The following SPON1 variants were observed in gnomAD, a reference collection of about 807,000 sequenced individuals.
SPON1 encodes the protein spondin 1.
SPON1 carries 52 observed loss-of-function variants against 111.7 expected under a neutral mutation model. The observed-to-expected ratio is 0.47, with a 90% CI of 0.37 to 0.59. The LOEUF is 0.59. Among genes scored for constraint, SPON1 ranks in the 20% least tolerant of loss-of-function variants. The probability of loss-of-function intolerance (pLI) is 0.00; values close to 1 mark genes in which losing one functional copy is unlikely to be tolerated. For missense variants in SPON1, 957 were observed against 1,068.5 expected (o/e 0.90, Z 1.46); for synonymous variants, 410 against 395.8 (o/e 1.04, Z -0.43).
chr11:14,077,506 C>T (rs1554921619), intron 4 of SPON1, among the ~76,000 whole-genome samples: 1 of 151,776 alleles, frequency 6.6e-6, no homozygotes, highest in East Asian at 1.9e-4. Flanking sequence ...GATCTCGGCT[C>T]ACTGCAACCT....
chr11:14,156,711 A>G (rs1463606099), intron 6 of SPON1, among the ~76,000 whole-genome samples: 1 of 152,066 alleles, frequency 6.6e-6, no homozygotes, highest in Non-Finnish European at 1.5e-5. Flanking sequence ...CTTTCTACAT[A>G]TGGCTAGCCA....
rs1554917270 is a variant in SPON1 at position 14,041,544 on chromosome 11, GT to G, written c.372del (p.Phe124LeufsTer2). 1 of 1,613,952 alleles carries G rather than the reference GT, an allele frequency of 6.2e-7. No homozygotes were observed. Among genetic ancestry groups the G allele is most frequent in the Non-Finnish European group, 8.5e-7 (1 of 1,179,868 alleles). ...FQIIDEEETQ[F>X]MSNCPVAVTE... is the part of the protein sequence containing the mutation. ...AGATCATAGACGAAGAAGAAACTCA[GT>G]TTATGAGCAATTGCCCTGTTGCAGT... On this transcript the variant is annotated frameshift_variant, in exon 3 of 16. Coordinates refer to ENST00000576479, the MANE Select transcript of SPON1 (RefSeq NM_006108.4). LOFTEE classifies it high-confidence loss of function.
chr11:14,187,407 A>T (rs1848296585), intron 6 of SPON1, among the ~76,000 whole-genome samples: 1 of 152,110 alleles, frequency 6.6e-6, no homozygotes, highest in African/African-American at 2.4e-5. Context: ...GCAGATGACA[A>T]AGCCTCTTAT....
chr11:14,063,082 T>G (rs1228647771), intron 3 of SPON1, among the ~76,000 whole-genome samples: 4 of 152,166 alleles, frequency 2.6e-5, no homozygotes, highest in African/African-American at 9.7e-5. Context: ...GGACACATTC[T>G]CTGAAGTTCA....
chr11:14,103,725 G>A (rs185877666), intron 5 of SPON1, among the ~76,000 whole-genome samples: 233 of 152,324 alleles, frequency 1.5e-3, no homozygotes, highest in African/African-American at 5.2e-3. Context: ...TCAGGAAACA[G>A]CAATAACATT....
intron 15 of SPON1, among the ~76,000 whole-genome samples, chr11:14,264,035 A>T (rs74743387): frequency 1.5e-4 from 20 of 132,190 alleles, no homozygotes; most frequent in Non-Finnish European, 1.0e-4. Flanking sequence ...GTCTCAAATT[A>T]AAAAAAAAAA....
intron 2 of SPON1, among the ~76,000 whole-genome samples, chr11:14,002,672 A>C (rs565722468): frequency 7.2e-5 from 11 of 152,234 alleles, no homozygotes; most frequent in African/African-American, 2.2e-4. Context: ...ATCAACTCCC[A>C]AGAGCCTGGT....
chr11:14,120,978 T>C (rs1849300815), intron 5 of SPON1, among the ~76,000 whole-genome samples: 1 of 152,204 alleles, frequency 6.6e-6, no homozygotes, highest in African/African-American at 2.4e-5. Flanking sequence ...AGGAGGTCCT[T>C]TTCTTCTTTC....
intron 6 of SPON1, among the ~76,000 whole-genome samples, chr11:14,172,875 T>C (rs1386214584): frequency 6.6e-6 from 1 of 152,002 alleles, no homozygotes; most frequent in Non-Finnish European, 1.5e-5. Flanking sequence ...GTTAGTCTGA[T>C]GGGCTTCCGT....
At chr11:14,255,059 G>A (rs1477695085) in intron 8 of SPON1, among the ~76,000 whole-genome samples, 4 of 152,182 alleles carry the variant, frequency 2.6e-5, no homozygotes, top group African/African-American at 9.7e-5. Flanking sequence ...ATATTTCTCT[G>A]ATATGATCTA....
intron 6 of SPON1, among the ~76,000 whole-genome samples, chr11:14,146,218 T>C (rs576382233): frequency 6.6e-6 from 1 of 151,800 alleles, no homozygotes; most frequent in East Asian, 1.9e-4. Context: ...GGCACCGTGT[T>C]GGCTCACTGC....
chr11:14,242,065 C>G (rs1006655076), intron 6 of SPON1, among the ~76,000 whole-genome samples: 2 of 152,128 alleles, frequency 1.3e-5, no homozygotes, highest in Non-Finnish European at 2.9e-5. Flanking sequence ...AAGCCAACTT[C>G]CTCTGCACCA....
chr11:14,098,282 C>T (rs561647122), intron 5 of SPON1, among the ~76,000 whole-genome samples: 4 of 152,214 alleles, frequency 2.6e-5, no homozygotes, highest in South Asian at 2.1e-4. Flanking sequence ...AGGCGTGAGC[C>T]GGATGTTGGA....
intron 6 of SPON1, among the ~76,000 whole-genome samples, chr11:14,194,567 C>CACACACA (rs150398912): frequency 2.2e-5 from 3 of 139,306 alleles, no homozygotes; most frequent in Admixed American, 7.4e-5. Context: ...CACACACACA[C>CACACACA]GGACTGCCTG....
intron 6 of SPON1, among the ~76,000 whole-genome samples, chr11:14,144,274 A>T (rs1847693106): frequency 6.6e-6 from 1 of 152,098 alleles, no homozygotes; most frequent in Non-Finnish European, 1.5e-5. Flanking sequence ...GAAGACATAA[A>T]TTGGGCTAGG....
At chr11:13,989,891 T>G (rs1554910881) in intron 2 of SPON1, among the ~76,000 whole-genome samples, 1 of 152,240 alleles carries the variant, frequency 6.6e-6, no homozygotes, top group South Asian at 2.1e-4. Flanking sequence ...TCTAGTTTGA[T>G]TGCACTGTGG....
At chr11:13,983,215 A>C (rs1848157929) in intron 2 of SPON1, among the ~76,000 whole-genome samples, 1 of 152,226 alleles carries the variant, frequency 6.6e-6, no homozygotes, top group South Asian at 2.1e-4. Flanking sequence ...TCAGCAGCCA[A>C]GCGTGGGGAG....
intron 1 of SPON1, among the ~76,000 whole-genome samples, chr11:13,966,764 G>T (rs1428624017): frequency 1.3e-5 from 2 of 152,176 alleles, no homozygotes; most frequent in Non-Finnish European, 2.9e-5. Context: ...GTTGGTTTCA[G>T]GTCCTCCTTG....
In SPON1 at chr11:13,962,747, C is replaced by T; in HGVS notation, c.-158C>T. On this transcript the variant is annotated 5_prime_UTR_variant, in exon 1 of 16. Coordinates refer to ENST00000576479, the MANE Select transcript of SPON1 (RefSeq NM_006108.4). ...CAGCTCAGCGCAGCTCCGCGGCCGCCAAGCCGAGGCGGGCACGGTCTCCGA... is the reference window on the plus strand; with the variant it reads ...CAGCTCAGCGCAGCTCCGCGGCCGCTAAGCCGAGGCGGGCACGGTCTCCGA... 1.5e-6 allele frequency: 1 copy of T among 665,540 alleles called. No individual in the cohort carries two copies. 41.2% of individuals were successfully genotyped at this position (665,540 alleles called of 1,614,324 possible). A position where few individuals can be genotyped will look rare whatever the true frequency, so the allele number is the denominator to read the frequency against.
Sources: allele counts gnomAD v4.1 joint callset (sites outside exome capture counted in the v4.1 genomes callset), GRCh38; gene constraint gnomAD v4.1.1; transcripts MANE v1.5; gene names NCBI Gene and HGNC (gene_info 2026-07-23, HGNC 2026-07-21).